OXR1: variants seen among roughly 807,000 people sequenced by gnomAD.
OXR1 encodes oxidation resistance 1, also known as oxidation resistance protein 1.
OXR1 carries 41 observed loss-of-function variants against 104.6 expected under a neutral mutation model. The ratio of observed to expected loss-of-function variants is 0.39; its 90% confidence interval spans 0.31 to 0.51. The LOEUF (loss-of-function observed/expected upper bound fraction) is 0.51. Among genes scored for constraint, OXR1 ranks in the 20% least tolerant of loss-of-function variants. The probability of loss-of-function intolerance (pLI) is 0.77; values close to 1 mark genes in which losing one functional copy is unlikely to be tolerated. For missense variants in OXR1, 955 were observed against 1,031.9 expected, an observed-to-expected ratio of 0.93 and a Z score of 1.02; for synonymous variants, 348 against 348.4, an observed-to-expected ratio of 1.00 and a Z score of 0.01.
chr8:106,526,973 A>T (rs1813736305), intron 3 of OXR1, among the ~76,000 whole-genome samples: 1 of 152,136 alleles, frequency 6.6e-6, no homozygotes. Context: ...GTGTTTATTG[A>T]GCTCCTTCTT....
chr8:106,720,796 C>T lies in OXR1; in HGVS notation c.1956+6811C>T, dbSNP rs1184509889. On this transcript the variant is annotated intron_variant, in intron 11 of 16. Transcript: ENST00000517566. ...TTCTTCAACTTTGTCCATCAAATAC[C>T]CTTTAAAATTTAATATATTTGGCAA... 7.0e-6 allele frequency: 4 copies of T among 574,990 alleles called. No individual in the cohort carries two copies. In the African/African-American group the frequency reaches 8.1e-5, roughly 12 times the overall value. 35.6% of individuals were successfully genotyped at this position (574,990 alleles called of 1,614,324 possible). A position where few individuals can be genotyped will look rare whatever the true frequency, so the allele number is the denominator to read the frequency against.
chr8:106,684,668 A>T (rs1239568313), intron 6 of OXR1, among the ~76,000 whole-genome samples: 1 of 152,224 alleles, frequency 6.6e-6, no homozygotes, highest in Non-Finnish European at 1.5e-5. Flanking sequence ...TTATCACAGT[A>T]GAGGAAGTTC....
At chr8:106,382,417 T>C (rs1205015356) in intron 2 of OXR1, among the ~76,000 whole-genome samples, 1 of 152,202 alleles carries the variant, frequency 6.6e-6, no homozygotes, top group Non-Finnish European at 1.5e-5. Flanking sequence ...ACCACAAGTC[T>C]TCAAAAGAGA....
In OXR1 at chr8:106,581,325, G is replaced by A. The variant is rs886678204; in HGVS notation, c.220+62186G>A. The A allele has an allele frequency of 1.4e-5, 12 of 873,974 alleles. No homozygotes were observed. In the African/African-American group the frequency reaches 1.7e-4, roughly 13 times the overall value. The allele number at this position is 873,974 out of a possible 1,614,324, so 54.1% of individuals were successfully genotyped here. On this transcript the variant is annotated intron_variant, in intron 3 of 16. Coordinates refer to ENST00000517566, the MANE Select transcript of OXR1 (RefSeq NM_001198533.2). Reference sequence around the variant, plus strand: ...GCCTAAAAAATGTCAACCACTTGTTGAGGCAAGCGGAGTCTTGCTACTGGA... The same window carrying A: ...GCCTAAAAAATGTCAACCACTTGTTAAGGCAAGCGGAGTCTTGCTACTGGA...
chr8:106,386,046 T>C (rs2130428694), intron 2 of OXR1, among the ~76,000 whole-genome samples: 1 of 152,046 alleles, frequency 6.6e-6, no homozygotes, highest in Admixed American at 6.5e-5. Flanking sequence ...TGGTCTGGTC[T>C]TTGGCATTAT....
chr8:106,714,759 C>G (rs1309952436), intron 11 of OXR1, among the ~76,000 whole-genome samples: 1 of 151,986 alleles, frequency 6.6e-6, no homozygotes, highest in African/African-American at 2.4e-5. Context: ...TAAATGTAAT[C>G]AAATTTTTTT....
chr8:106,748,402 G>GA (rs889732226), intron 16 of OXR1, among the ~76,000 whole-genome samples: 8 of 151,984 alleles, frequency 5.3e-5, no homozygotes, highest in Non-Finnish European at 7.4e-5. Flanking sequence ...ATTTATAGAA[G>GA]AGGTTCATCA....
At chr8:106,623,783 T>C (rs1821922727) in intron 3 of OXR1, among the ~76,000 whole-genome samples, 1 of 152,210 alleles carries the variant, frequency 6.6e-6, no homozygotes. Context: ...TTATATGCCG[T>C]AGAATAGAAA....
chr8:106,748,483 G>T (rs1835583561), intron 16 of OXR1, among the ~76,000 whole-genome samples: 1 of 148,906 alleles, frequency 6.7e-6, no homozygotes, highest in Non-Finnish European at 1.5e-5. Context: ...GACACTGGAT[G>T]ATCTCTTTAC....
chr8:106,314,283 T>C (rs1277448746), intron 1 of OXR1, among the ~76,000 whole-genome samples: 1 of 152,208 alleles, frequency 6.6e-6, no homozygotes, highest in African/African-American at 2.4e-5. Flanking sequence ...TCACTTTGGT[T>C]CTTGATATTC....
intron 1 of OXR1, among the ~76,000 whole-genome samples, chr8:106,356,614 A>G (rs1472491590): frequency 6.6e-6 from 1 of 152,060 alleles, no homozygotes; most frequent in Non-Finnish European, 1.5e-5. Flanking sequence ...TTCTTATTTC[A>G]AAAAGGACTT....
intron 2 of OXR1, among the ~76,000 whole-genome samples, chr8:106,471,430 GT>G (rs1821488625): frequency 6.6e-6 from 1 of 151,690 alleles, no homozygotes; most frequent in Non-Finnish European, 1.5e-5. Context: ...AGGCAAGATG[GT>G]TGTACTCTGA....
At chr8:106,375,317 T>G (rs981144485) in intron 2 of OXR1, among the ~76,000 whole-genome samples, 1 of 152,212 alleles carries the variant, frequency 6.6e-6, no homozygotes, top group Admixed American at 6.5e-5. Context: ...GTGGTTTTTG[T>G]CGTACTTTTA....
At chr8:106,300,365 A>G (rs761140903) in intron 1 of OXR1, among the ~76,000 whole-genome samples, 30 of 152,032 alleles carry the variant, frequency 2.0e-4, no homozygotes, top group Admixed American at 5.2e-4. Flanking sequence ...CCTAAGATTT[A>G]TACTTCAGCA....
intron 1 of OXR1, among the ~76,000 whole-genome samples, chr8:106,282,162 A>T (rs1444938739): frequency 6.6e-6 from 1 of 152,192 alleles, no homozygotes; most frequent in Non-Finnish European, 1.5e-5. Context: ...AATTCAGTTA[A>T]TTCACAAACC....
At chr8:106,601,855 C>A (rs1468244449) in intron 3 of OXR1, among the ~76,000 whole-genome samples, 2 of 152,090 alleles carry the variant, frequency 1.3e-5, no homozygotes, top group Non-Finnish European at 2.9e-5. Context: ...GGAGATTATC[C>A]TGTGTGGGCC....
chr8:106,308,989 T>C (rs1195430192), intron 1 of OXR1, among the ~76,000 whole-genome samples: 1 of 151,786 alleles, frequency 6.6e-6, no homozygotes, highest in Admixed American at 6.6e-5. Context: ...TTTTTTTTGT[T>C]TTTTTTTGAG....
intron 1 of OXR1, among the ~76,000 whole-genome samples, chr8:106,289,996 T>C (rs374631233): frequency 6.6e-6 from 1 of 152,158 alleles, no homozygotes; most frequent in East Asian, 1.9e-4. Flanking sequence ...GATTGTAAGT[T>C]TCCTGAGGCC....
At chr8:106,641,951 T>G (rs1210209358) in intron 3 of OXR1, among the ~76,000 whole-genome samples, 2 of 151,846 alleles carry the variant, frequency 1.3e-5, no homozygotes, top group Non-Finnish European at 2.9e-5. Flanking sequence ...TAATTTTTTT[T>G]TTAAGAGATG....
Sources: gnomAD v4.1 joint callset for allele counts (sites outside exome capture counted in the v4.1 genomes callset) on GRCh38, gnomAD v4.1.1 for gene constraint, MANE v1.5 for transcripts, NCBI Gene and HGNC (gene_info 2026-07-23, HGNC 2026-07-21) for gene names.